The following TOX4 variants were observed in gnomAD, a reference collection of about 807,000 sequenced individuals.
The protein encoded by TOX4 is epidermal Langerhans cell protein LCP1.
TOX4 carries 12 observed loss-of-function variants against 61.0 expected under a neutral mutation model. The ratio of observed to expected loss-of-function variants is 0.20; its 90% CI spans 0.13 to 0.32. The LOEUF is 0.32. TOX4 is among the 10% of genes least tolerant of loss of function. The probability of loss-of-function intolerance (pLI) is 1.00; values close to 1 mark genes in which losing one functional copy is unlikely to be tolerated. For missense variants in TOX4, 499 were observed against 753.3 expected, an observed-to-expected ratio of 0.66 and a Z score of 3.95; for synonymous variants, 268 against 274.8, an observed-to-expected ratio of 0.98 and a Z score of 0.24.
Position 21,498,106 on chromosome 14 carries a change from G to A in TOX4, c.*1500G>A. On this transcript the variant is annotated 3_prime_UTR_variant, in exon 9 of 9. Coordinates refer to ENST00000448790, the MANE Select transcript of TOX4 (RefSeq NM_014828.4). The stretch of plus-strand genomic sequence containing the variant: ...GATGAGTTGCACAAGATTATACACT[G>A]TTAAGTAGCAGAGCCAGAATGGACT... 3.3e-6 allele frequency: 2 copies of A among 612,690 alleles called. No individual in the cohort carries two copies. The highest frequency in any genetic ancestry group is 5.8e-6 in the Non-Finnish European group (2 of 345,936). 38.0% of individuals were successfully genotyped at this position (612,690 alleles called of 1,614,324 possible).
At chr14:21,477,709 T>C in intron 2 of TOX4, 145 bp downstream of exon 2, 1 of 846,482 alleles carries the variant, frequency 1.2e-6, no homozygotes, top group Admixed American at 2.5e-5. Context: ...CGGTTGCTTC[T>C]AGAGCCTGTG....
In TOX4 at chr14:21,492,821, T is replaced by G; in HGVS notation, c.1205T>G (p.Leu402Arg). The change falls in exon 7 of 9, where the codon CTA (leucine) becomes CGA (arginine). Residue 402 changes from leucine to arginine, a missense_variant. Transcript: ENST00000448790. Reference sequence around the variant, plus strand: ...GTGGTGACCTCCCGGGGGCTCCAACTAGGCCAAACCAGTACAGCTACTATC... The same window carrying G: ...GTGGTGACCTCCCGGGGGCTCCAACGAGGCCAAACCAGTACAGCTACTATC... ...ATVVTSRGLQ[L>R]GQTSTATIQP... is the part of the protein sequence containing the mutation. 1 of 1,614,138 alleles carries G rather than the reference T, an allele frequency of 6.2e-7. No individual in the cohort carries two copies. Among genetic ancestry groups the G allele is most frequent in the Non-Finnish European group, 8.5e-7 (1 of 1,180,012 alleles).
At chr14:21,477,640 G>A (rs947647864) in intron 2 of TOX4, 76 bp downstream of exon 2, 4 of 1,508,474 alleles carry the variant, frequency 2.7e-6, no homozygotes, top group African/African-American at 2.8e-5. Flanking sequence ...AGGAGAGCAC[G>A]GACTCCGGGG....
At chr14:21,483,454 C>T (rs951277079) in intron 2 of TOX4, among the ~76,000 whole-genome samples, 5 of 148,894 alleles carry the variant, frequency 3.4e-5, no homozygotes, top group South Asian at 2.1e-4. Flanking sequence ...AAAATGCTCA[C>T]GTAAACCTAA....
intron 5 of TOX4, among the ~76,000 whole-genome samples, chr14:21,490,019 A>G (rs1891258436): frequency 6.6e-6 from 1 of 151,976 alleles, no homozygotes; most frequent in Non-Finnish European, 1.5e-5. Flanking sequence ...CCCGTCTCAC[A>G]GAAAATTAGC....
Position 21,496,843 on chromosome 14 carries a change from G to C in TOX4, c.*237G>C. ...CATAAGCGGTAATAGCAGAGGAAAG[G>C]GTGAAGGGAGTCTGGGCAAGCAAAG... On this transcript the variant is annotated 3_prime_UTR_variant, in exon 9 of 9. Transcript: ENST00000448790. 2 of 454,842 alleles carry C rather than the reference G, an allele frequency of 4.4e-6. No homozygotes were observed. The highest frequency in any genetic ancestry group is 5.2e-5 in the South Asian group (2 of 38,486). The allele number at this position is 454,842 out of a possible 1,614,324, so 28.2% of individuals were successfully genotyped here.
intron 7 of TOX4, 121 bp from the exon 8 acceptor site, chr14:21,495,108 C>T (rs1891372981): frequency 1.8e-6 from 2 of 1,101,092 alleles, no homozygotes; most frequent in Admixed American, 2.2e-5. Flanking sequence ...TGCAGTTTTG[C>T]CCCCCAGTGT....
At chr14:21,495,186 G>A (rs777915248) in intron 7 of TOX4, 43 bp from the exon 8 acceptor site, 1 of 1,598,674 alleles carries the variant, frequency 6.3e-7, no homozygotes, top group African/African-American at 1.3e-5. Context: ...TAGCTAGGCA[G>A]GGAGCAATCT....
intron 7 of TOX4, 111 bp downstream of exon 7, chr14:21,493,368 G>A: frequency 8.2e-7 from 1 of 1,223,834 alleles, no homozygotes; most frequent in South Asian, 1.6e-5. Context: ...GCAACCAGGA[G>A]CACAAAACAT....
At chr14:21,486,798 G>C (rs1891197504) in intron 2 of TOX4, among the ~76,000 whole-genome samples, 1 of 152,184 alleles carries the variant, frequency 6.6e-6, no homozygotes, top group Non-Finnish European at 1.5e-5. Context: ...TTAGAGAGAA[G>C]CTTGGTCAGA....
In TOX4 at chr14:21,493,260, G is replaced by C. The variant is rs1454276897; in HGVS notation, c.1641+3G>C. 1.3e-6 allele frequency: 2 copies of C among 1,595,612 alleles called. No homozygotes were observed. The highest frequency in any genetic ancestry group is 4.5e-5 in the East Asian group (2 of 44,624). On this transcript the variant is annotated splice_donor_region_variant and intron_variant, in intron 7 of 8. Transcript: ENST00000448790. ...TGATCACAGATGTAGTTCCTGAGGT[G>C]AGCCTTTGTTTTTAAGTCTTTAGTC...
At chr14:21,487,119 T>TA (rs1371859075) in intron 2 of TOX4, among the ~76,000 whole-genome samples, 1 of 152,202 alleles carries the variant, frequency 6.6e-6, no homozygotes, top group Non-Finnish European at 1.5e-5. Flanking sequence ...GTAAACAGGT[T>TA]ATAAAGGCTA....
rs748794981 is a variant in TOX4 at position 21,488,748 on chromosome 14, T to C, written c.477T>C (p.Gly159=). ...CCCAGCTGGGTTTGAGCCTAGGGGGTGGCACCATCCTGCCACCTGCCCAGT... is the reference window on the plus strand; with the variant it reads ...CCCAGCTGGGTTTGAGCCTAGGGGGCGGCACCATCCTGCCACCTGCCCAGT... ...LSSQLGLSLG[G]GTILPPAQSP... The change falls in exon 4 of 9, where the codon GGT becomes GGC. Residue 159 remains glycine (G), a synonymous_variant. Transcript: ENST00000448790. The C allele has an allele frequency of 1.7e-5, 28 of 1,613,842 alleles. No homozygotes were observed. Among genetic ancestry groups the C allele is most frequent in the Non-Finnish European group, 1.9e-5 (23 of 1,180,008 alleles).
In TOX4 at chr14:21,493,182, C is replaced by T. The variant is rs1407299438; in HGVS notation, c.1566C>T (p.Asn522=). ...VESSPERPMN[N]SPEAHTVEAP... Reference sequence around the variant, plus strand: ...GTAGTCCTGAGCGGCCTATGAACAACAGCCCTGAGGCCCATACAGTGGAGG... The same window carrying T: ...GTAGTCCTGAGCGGCCTATGAACAATAGCCCTGAGGCCCATACAGTGGAGG... The change falls in exon 7 of 9, where the codon AAC becomes AAT. Residue 522 remains asparagine, a synonymous_variant. Coordinates refer to ENST00000448790, the MANE Select transcript of TOX4 (RefSeq NM_014828.4). 4 of 1,614,226 alleles carry T rather than the reference C, an allele frequency of 2.5e-6. No individual in the cohort carries two copies. Among genetic ancestry groups the T allele is most frequent in the Non-Finnish European group, 3.4e-6 (4 of 1,180,042 alleles).
At chr14:21,479,663 A>G (rs913140829) in intron 2 of TOX4, among the ~76,000 whole-genome samples, 2 of 152,060 alleles carry the variant, frequency 1.3e-5, no homozygotes, top group Non-Finnish European at 2.9e-5. Flanking sequence ...AACAAACAAA[A>G]ACAGCTAAAA....
Position 21,498,272 on chromosome 14 carries a change from G to A in TOX4, c.*1666G>A, listed in dbSNP as rs746026443. The A allele has an allele frequency of 1.6e-5, 26 of 1,592,266 alleles. No homozygotes were observed. The South Asian group carries it at 2.9e-4, about 18-fold the overall frequency. On this transcript the variant is annotated 3_prime_UTR_variant, in exon 9 of 9. Coordinates refer to ENST00000448790, the MANE Select transcript of TOX4 (RefSeq NM_014828.4). ...AGGAAGTGCTTCTATAAATTCTTAG[G>A]TTTAGAGATGATACCATCTGGGTAC...
At chr14:21,491,392 C>T (rs1343726362) in intron 5 of TOX4, among the ~76,000 whole-genome samples, 2 of 151,820 alleles carry the variant, frequency 1.3e-5, no homozygotes, top group Non-Finnish European at 2.9e-5. Flanking sequence ...CAGAGTCTCA[C>T]TGTGTCGCCC....
At chr14:21,482,218 T>C (rs1017055524) in intron 2 of TOX4, among the ~76,000 whole-genome samples, 1 of 152,030 alleles carries the variant, frequency 6.6e-6, no homozygotes, top group African/African-American at 2.4e-5. Flanking sequence ...GGGAAATAAT[T>C]AGGCATAAAG....
rs182144694 is a variant in TOX4 at position 21,493,504 on chromosome 14, C to T, written c.1641+247C>T. On this transcript the variant is annotated intron_variant, in intron 7 of 8. Transcript: ENST00000448790. The stretch of plus-strand genomic sequence containing the variant: ...TTGCCCAGGCTGGAGTGCAATGGTG[C>T]GATCTCGGCTCACTGCAACCTCTAC... 4.0e-5 allele frequency among the ~76,000 whole-genome samples: 6 copies of T among 151,890 alleles called. No homozygotes were observed. The East Asian group carries it at 7.8e-4, about 20-fold the overall frequency.
Sources: gnomAD v4.1 joint callset for allele counts (sites outside exome capture counted in the v4.1 genomes callset) on GRCh38, gnomAD v4.1.1 for gene constraint, MANE v1.5 for transcripts, NCBI Gene and HGNC (gene_info 2026-07-23, HGNC 2026-07-21) for gene names.